The following ELAPOR2 variants were observed in gnomAD, a reference collection of about 807,000 sequenced individuals.
The protein encoded by ELAPOR2 is endosome-lysosome associated apoptosis and autophagy regulator family member 2.
In ELAPOR2, 89 loss-of-function variants were observed where a neutral mutation model predicts 120.7. That is an observed-to-expected ratio of 0.74 (90% CI 0.62 to 0.88). The LOEUF (loss-of-function observed/expected upper bound fraction) is 0.88. Ranked by LOEUF, ELAPOR2 falls within the 40% of genes least tolerant of loss-of-function variation. The pLI is 0.00. For synonymous variants in ELAPOR2, 444 were observed against 444.9 expected (o/e 1.00, Z 0.03); for missense variants, 1,134 against 1,251.6 (o/e 0.91, Z 1.42).
At chr7:86,976,277 C>T (rs1792281580) in intron 1 of ELAPOR2, among the ~76,000 whole-genome samples, 1 of 152,094 alleles carries the variant, frequency 6.6e-6, no homozygotes, top group Admixed American at 6.5e-5. Flanking sequence ...AGTAGAATTG[C>T]ACAAAAACAT....
intron 1 of ELAPOR2, among the ~76,000 whole-genome samples, chr7:86,979,735 C>T (rs755437935): frequency 5.9e-5 from 9 of 152,112 alleles, no homozygotes; most frequent in African/African-American, 1.4e-4. Context: ...CAAGCCAATG[C>T]GAGCTAGGAT....
intron 19 of ELAPOR2, among the ~76,000 whole-genome samples, chr7:86,896,946 C>G (rs1441319350): frequency 6.6e-6 from 1 of 151,616 alleles, no homozygotes; most frequent in Non-Finnish European, 1.5e-5. Flanking sequence ...TCAATTTTCT[C>G]TCAAATGTCT....
chr7:86,957,127 A>G (rs1431274059), intron 2 of ELAPOR2, among the ~76,000 whole-genome samples: 1 of 152,212 alleles, frequency 6.6e-6, no homozygotes, highest in Non-Finnish European at 1.5e-5. Context: ...AACTGTTTTC[A>G]TCTCATCTCC....
intron 1 of ELAPOR2, among the ~76,000 whole-genome samples, chr7:87,000,485 C>T (rs762574464): frequency 2.6e-5 from 4 of 152,144 alleles, no homozygotes; most frequent in South Asian, 2.1e-4. Context: ...CCAGACTCTG[C>T]GTCTGACTCA....
chr7:86,940,159 C>A, intron 5 of ELAPOR2, 44 bp from the exon 6 acceptor site: 1 of 1,255,684 alleles, frequency 8.0e-7, no homozygotes, highest in Non-Finnish European at 1.1e-6. Context: ...ATAAGCCATG[C>A]CATTTCCAAA....
chr7:87,053,759 G>C (rs532576085), intron 1 of ELAPOR2, among the ~76,000 whole-genome samples: 20 of 152,296 alleles, frequency 1.3e-4, no homozygotes, highest in Middle Eastern at 6.8e-3. Context: ...GATGGATCTA[G>C]GTCAGGAGGC....
chr7:86,966,564 C>T (rs1173043508), intron 1 of ELAPOR2, among the ~76,000 whole-genome samples: 2 of 152,178 alleles, frequency 1.3e-5, no homozygotes, highest in African/African-American at 4.8e-5. Context: ...GCCCATTATC[C>T]AGTTCTAAAG....
At chr7:87,017,475 G>A (rs1481688268) in intron 1 of ELAPOR2, among the ~76,000 whole-genome samples, 1 of 152,102 alleles carries the variant, frequency 6.6e-6, no homozygotes, top group Non-Finnish European at 1.5e-5. Flanking sequence ...TTTATTAAAT[G>A]CGAATGAATG....
At chr7:87,049,294 T>A (rs916825640) in intron 1 of ELAPOR2, among the ~76,000 whole-genome samples, 5 of 151,550 alleles carry the variant, frequency 3.3e-5, no homozygotes, top group African/African-American at 1.2e-4. Flanking sequence ...TTATTTATTT[T>A]TTTTTGAGAC....
intron 10 of ELAPOR2, among the ~76,000 whole-genome samples, chr7:86,923,760 T>A (rs886387073): frequency 1.3e-5 from 2 of 152,080 alleles, no homozygotes; most frequent in African/African-American, 4.8e-5. Context: ...GTAAACATTA[T>A]CCTATTTTTG....
intron 1 of ELAPOR2, among the ~76,000 whole-genome samples, chr7:87,052,514 C>T (rs79575232): frequency 0.014 from 2,153 of 152,192 alleles, 53 homozygotes; most frequent in African/African-American, 0.048. Context: ...TTATACTGAG[C>T]GCAATGGTTC....
At chr7:86,997,418 C>T (rs908265741) in intron 1 of ELAPOR2, among the ~76,000 whole-genome samples, 21 of 152,092 alleles carry the variant, frequency 1.4e-4, no homozygotes, top group African/African-American at 4.3e-4. Context: ...TCATCCTCCA[C>T]CTCTCATACG....
Position 86,893,104 on chromosome 7 carries a change from T to A in ELAPOR2, c.2686-4A>T, listed in dbSNP as rs996309447. On this transcript the variant is annotated splice_polypyrimidine_tract_variant and splice_region_variant and intron_variant, in intron 19 of 21. Transcript: ENST00000450689. ...CATTCCACACATACAAGGTTTCCTT[T>A]AAAAAAAAAAACATAAAACCATAGA... is the stretch of plus-strand genomic sequence containing the variant. 518 of 1,224,044 alleles carry A rather than the reference T, an allele frequency of 4.2e-4. 1 individual carries two copies. Among genetic ancestry groups the A allele is most frequent in the South Asian group, 8.5e-4 (49 of 57,932 alleles). The allele number at this position is 1,224,044 out of a possible 1,614,324, so 75.8% of individuals were successfully genotyped here.
intron 8 of ELAPOR2, among the ~76,000 whole-genome samples, chr7:86,928,105 A>C (rs1790157344): frequency 6.6e-6 from 1 of 151,676 alleles, no homozygotes. Context: ...AAATAGTTAT[A>C]AATAACATTT....
At position 86,983,105 on chromosome 7, in the gene ELAPOR2, A is replaced by T. The variant is rs561362787; in HGVS notation, c.190-18081T>A. ...GGTATCAGTGATTGCAGATTGAATT[A>T]ATGAAATAGAGCAAGAAGAGAAGTT... is the stretch of plus-strand genomic sequence containing the variant. On this transcript the variant is annotated intron_variant, in intron 1 of 21. Coordinates refer to ENST00000450689, the MANE Select transcript of ELAPOR2 (RefSeq NM_001142749.3). Among the ~76,000 whole-genome samples, 18 of 152,338 alleles carry T rather than the reference A, an allele frequency of 1.2e-4. No homozygotes were observed. The East Asian group carries it at 2.3e-3, about 20-fold the overall frequency.
chr7:86,913,265 A>G (rs1396264364), intron 13 of ELAPOR2, 61 bp from the exon 14 acceptor site: 1 of 1,532,506 alleles, frequency 6.5e-7, no homozygotes, highest in Non-Finnish European at 9.0e-7. Flanking sequence ...CAACCAGATT[A>G]TGTCTTCTGT....
chr7:87,034,476 G>C (rs563332170), intron 1 of ELAPOR2, among the ~76,000 whole-genome samples: 30 of 151,560 alleles, frequency 2.0e-4, no homozygotes, highest in Middle Eastern at 3.4e-3. Context: ...GGTGACAAAT[G>C]TAGAAAAAAA....
chr7:86,948,007 A>G lies in ELAPOR2; in HGVS notation c.311-85T>C, dbSNP rs533771703. 2.5e-4 allele frequency: 228 copies of G among 928,952 alleles called. No homozygotes were observed. The African/African-American group carries it at 3.5e-3, about 14-fold the overall frequency. 57.5% of individuals were successfully genotyped at this position (928,952 alleles called of 1,614,324 possible). ...ATGCTGTCACCAGAATTATTTTTAT[A>G]AAACTCTGATTGTGCCACACTCAAA... On this transcript the variant is annotated intron_variant, in intron 2 of 21. Transcript: ENST00000450689.
intron 2 of ELAPOR2, among the ~76,000 whole-genome samples, chr7:86,952,976 A>G (rs1791324115): frequency 1.3e-5 from 2 of 151,814 alleles, no homozygotes; most frequent in South Asian, 4.2e-4. Flanking sequence ...CACACCTGTA[A>G]TCTCAGCTAC....
Sources: gnomAD v4.1 joint callset for allele counts (sites outside exome capture counted in the v4.1 genomes callset) on GRCh38, gnomAD v4.1.1 for gene constraint, MANE v1.5 for transcripts, NCBI Gene and HGNC (gene_info 2026-07-23, HGNC 2026-07-21) for gene names.